The following RFC3 variants were observed in gnomAD, a reference collection of about 807,000 sequenced individuals.
RFC3 encodes the protein A1 38 kDa subunit.
Under a neutral mutation model 45.1 loss-of-function variants are expected in RFC3, and 41 were observed. The observed-to-expected ratio is 0.91, with a 90% CI of 0.71 to 1.18. RFC3 has a LOEUF of 1.18. Among genes scored for constraint, RFC3 ranks in the 50% most tolerant of loss-of-function variants. The pLI, the probability that RFC3 is intolerant of heterozygous loss-of-function variation, is 0.00. For synonymous variants in RFC3, 149 were observed against 144.0 expected (o/e 1.03, Z -0.25); for missense variants, 423 against 428.1 (o/e 0.99, Z 0.10).
intron 8 of RFC3, among the ~76,000 whole-genome samples, chr13:33,888,740 A>T (rs1232556968): frequency 6.6e-6 from 1 of 150,762 alleles, no homozygotes; most frequent in Non-Finnish European, 1.5e-5. Flanking sequence ...TTTATTTTAA[A>T]GAAAATCTTT....
At chr13:33,934,742 G>A (rs1163346968) in intron 8 of RFC3, among the ~76,000 whole-genome samples, 1 of 152,068 alleles carries the variant, frequency 6.6e-6, no homozygotes, top group Non-Finnish European at 1.5e-5. Flanking sequence ...GTTTTGTTTT[G>A]TTTTCCTATG....
At chr13:33,899,346 G>A (rs1029514410) in intron 8 of RFC3, among the ~76,000 whole-genome samples, 3 of 151,672 alleles carry the variant, frequency 2.0e-5, no homozygotes, top group Non-Finnish European at 4.4e-5. Context: ...TGATCAAGTG[G>A]GATTCATCCC....
chr13:33,892,379 A>C (rs910355358), intron 8 of RFC3, among the ~76,000 whole-genome samples: 1 of 152,210 alleles, frequency 6.6e-6, no homozygotes, highest in Non-Finnish European at 1.5e-5. Flanking sequence ...GGAGGGCCTT[A>C]AGACTTAAAG....
At chr13:33,912,636 G>T (rs1471665317) in intron 8 of RFC3, among the ~76,000 whole-genome samples, 2 of 152,064 alleles carry the variant, frequency 1.3e-5, no homozygotes, top group African/African-American at 4.8e-5. Flanking sequence ...GGCTGGAGAG[G>T]TATAGAAGCC....
intron 8 of RFC3, among the ~76,000 whole-genome samples, chr13:33,856,932 A>G (rs2082311978): frequency 6.6e-6 from 1 of 152,246 alleles, no homozygotes; most frequent in South Asian, 2.1e-4. Context: ...AGGAACCTCA[A>G]CTCTACCCAG....
downstream of RFC3, among the ~76,000 whole-genome samples, chr13:33,968,615 T>C (rs2083098655): frequency 6.6e-6 from 1 of 152,168 alleles, no homozygotes; most frequent in South Asian, 2.1e-4. Context: ...TACTTAATAA[T>C]CAGTAGAATA....
At chr13:33,896,006 A>C (rs761727437) in intron 8 of RFC3, among the ~76,000 whole-genome samples, 7 of 152,004 alleles carry the variant, frequency 4.6e-5, no homozygotes, top group Non-Finnish European at 8.8e-5. Flanking sequence ...GGAGACTCAG[A>C]ATGGGGGAGA....
chr13:33,930,322 T>C (rs1212599549), intron 8 of RFC3, among the ~76,000 whole-genome samples: 2 of 152,166 alleles, frequency 1.3e-5, no homozygotes, highest in African/African-American at 2.4e-5. Flanking sequence ...GCCTTCAGTC[T>C]GTGGCCAAAG....
chr13:33,919,034 G>A (rs781565675), intron 8 of RFC3, among the ~76,000 whole-genome samples: 5 of 57,586 alleles, frequency 8.7e-5, no homozygotes, highest in African/African-American at 1.2e-4. Flanking sequence ...GACCTTGTCC[G>A]TTCTTCTTTA....
chr13:33,910,082 C>T (rs780194626), intron 8 of RFC3, among the ~76,000 whole-genome samples: 16 of 152,012 alleles, frequency 1.1e-4, no homozygotes, highest in Non-Finnish European at 2.1e-4. Flanking sequence ...TATTGCACTT[C>T]TTATTGTGTT....
chr13:33,861,694 G>C (rs897691278), intron 8 of RFC3, among the ~76,000 whole-genome samples: 13 of 150,438 alleles, frequency 8.6e-5, no homozygotes, highest in African/African-American at 3.2e-4. Flanking sequence ...GTTTGAAATA[G>C]CATGTACAAT....
At position 33,829,933 on chromosome 13, in the gene RFC3, G is replaced by T; in HGVS notation, c.489G>T (p.Leu163Phe). The T allele has an allele frequency of 6.2e-7, 1 of 1,614,090 alleles. No homozygotes were observed. The highest frequency in any genetic ancestry group is 8.5e-7 in the Non-Finnish European group (1 of 1,179,948). Residue 163 changes from leucine (L) to phenylalanine (F), a missense_variant, in exon 5 of 9, where the codon TTG (leucine) becomes TTT (phenylalanine). Physicochemically the swap from Leu to Phe is conservative, Grantham distance 22 (BLOSUM62 0). Coordinates refer to ENST00000380071, the MANE Select transcript of RFC3 (RefSeq NM_002915.4). ...EKYMSTCRLI[L>F]CCNSTSKVIP... ...ATATGTCTACCTGCAGATTGATCTT[G>T]TGCTGCAATTCTACATCTAAAGTGA...
At chr13:33,913,814 A>T (rs1054698369) in intron 8 of RFC3, among the ~76,000 whole-genome samples, 6 of 152,158 alleles carry the variant, frequency 3.9e-5, no homozygotes, top group African/African-American at 1.4e-4. Context: ...TTACTACAGC[A>T]GCAGGGAGGA....
At chr13:33,856,636 T>C (rs922849130) in intron 8 of RFC3, among the ~76,000 whole-genome samples, 2 of 152,180 alleles carry the variant, frequency 1.3e-5, no homozygotes, top group African/African-American at 4.8e-5. Context: ...CTGTTGAGAT[T>C]GACTCCAGAA....
intron 8 of RFC3, among the ~76,000 whole-genome samples, chr13:33,923,915 C>T (rs1201543991): frequency 6.6e-6 from 1 of 152,090 alleles, no homozygotes; most frequent in Non-Finnish European, 1.5e-5. Context: ...TGTGGGACTC[C>T]TTGGTTTTCC....
intron 8 of RFC3, among the ~76,000 whole-genome samples, chr13:33,960,090 T>A (rs1204928249): frequency 6.6e-6 from 1 of 151,926 alleles, no homozygotes; most frequent in Non-Finnish European, 1.5e-5. Flanking sequence ...GCTAAACCAT[T>A]CATGAGAAAT....
chr13:33,841,476 A>C (rs80170931), downstream of RFC3, among the ~76,000 whole-genome samples: 1,373 of 152,278 alleles, frequency 9.0e-3, 14 homozygotes, highest in African/African-American at 0.032. Context: ...ATTCATTTTG[A>C]AGTATCAGTA....
chr13:33,884,563 C>G (rs971447327), intron 8 of RFC3, among the ~76,000 whole-genome samples: 2 of 152,144 alleles, frequency 1.3e-5, no homozygotes, highest in Admixed American at 6.5e-5. Flanking sequence ...GGGTACCAAC[C>G]CTGTTTTGTT....
At chr13:33,911,342 G>C (rs2082702652) in intron 8 of RFC3, among the ~76,000 whole-genome samples, 1 of 152,080 alleles carries the variant, frequency 6.6e-6, no homozygotes, top group African/African-American at 2.4e-5. Flanking sequence ...AGTTTATGTA[G>C]AGAAGTTTGT....
Sources: gnomAD v4.1 joint callset for allele counts (sites outside exome capture counted in the v4.1 genomes callset) on GRCh38, gnomAD v4.1.1 for gene constraint, MANE v1.5 for transcripts, NCBI Gene and HGNC (gene_info 2026-07-23, HGNC 2026-07-21) for gene names.